ADCY2: variants seen among roughly 807,000 people sequenced by gnomAD.
ADCY2 encodes the protein adenylate cyclase type 2.
A neutral mutation model predicts 125.2 loss-of-function variants in ADCY2; 31 were observed. The ratio of observed to expected loss-of-function variants is 0.25; its 90% CI spans 0.19 to 0.33. The LOEUF is 0.33. Among genes scored for constraint, ADCY2 ranks in the 10% least tolerant of loss-of-function variants. The probability of loss-of-function intolerance (pLI) is 1.00; values close to 1 mark genes in which losing one functional copy is unlikely to be tolerated. For missense variants in ADCY2, 904 were observed against 1,418.2 expected (o/e 0.64, Z 5.82); for synonymous variants, 512 against 548.4 (o/e 0.93, Z 0.93).
chr5:7,451,221 A>C (rs553432907), intron 2 of ADCY2, among the ~76,000 whole-genome samples: 1 of 152,346 alleles, frequency 6.6e-6, no homozygotes, highest in South Asian at 2.1e-4. Flanking sequence ...TAAATTGAAA[A>C]TCTTCTGGAA....
At chr5:7,436,550 G>T (rs1435739836) in intron 2 of ADCY2, among the ~76,000 whole-genome samples, 1 of 152,160 alleles carries the variant, frequency 6.6e-6, no homozygotes, top group East Asian at 1.9e-4. Context: ...TGTAGAACAG[G>T]TCCATGCCAA....
In ADCY2 at chr5:7,709,365, A is replaced by T. The variant is rs1741367038; in HGVS notation, c.1556A>T (p.Glu519Val). 2 of 1,607,298 alleles carry T rather than the reference A, an allele frequency of 1.2e-6. No homozygotes were observed. The highest frequency in any genetic ancestry group is 8.5e-7 in the Non-Finnish European group (1 of 1,177,006). ...HLHHRDSMTT[E>V]NGKISTTDVP... ...CATCACAGGGACAGCATGACCACAGAGAACGGCAAGATCAGCACCACGGTA... is the reference window on the plus strand; with the variant it reads ...CATCACAGGGACAGCATGACCACAGTGAACGGCAAGATCAGCACCACGGTA... Residue 519 changes from glutamate to valine, a missense_variant, in exon 10 of 25, where the codon GAG becomes GTG. By Grantham distance (121) the Glu-to-Val change is moderately radical. Around this residue, in one of 7 missense-constraint regions of ADCY2, gnomAD observed 144 missense variants for 227.7 expected, o/e 0.63. Coordinates refer to ENST00000338316, the MANE Select transcript of ADCY2 (RefSeq NM_020546.3). This position sits in a 1 kb window ranked among gnomAD's most constrained non-coding sequence, Gnocchi z 4.4.
At chr5:7,778,271 G>A (rs1326062476) in intron 18 of ADCY2, among the ~76,000 whole-genome samples, 1 of 152,086 alleles carries the variant, frequency 6.6e-6, no homozygotes, top group East Asian at 1.9e-4. Flanking sequence ...TTTTCTTACA[G>A]AACTGAAAAG....
Position 7,695,863 on chromosome 5 carries a change from G to A in ADCY2, c.981G>A (p.Lys327=). ...ELFGKFDQIA[K]ENECMRIKIL... ...TTGGAAAGTTTGATCAAATTGCAAA[G>A]GTGAGTATTATGGATTCTTTTCTTC... is the stretch of plus-strand genomic sequence containing the variant. Residue 327 remains lysine (K), a splice_region_variant and synonymous_variant, in exon 6 of 25, where the codon AAG becomes AAA. Transcript: ENST00000338316. 6.3e-7 allele frequency: 1 copy of A among 1,599,836 alleles called. No individual in the cohort carries two copies. The highest frequency in any genetic ancestry group is 8.5e-7 in the Non-Finnish European group (1 of 1,169,762).
intron 2 of ADCY2, among the ~76,000 whole-genome samples, chr5:7,509,117 G>A (rs1006152253): frequency 2.0e-5 from 3 of 152,218 alleles, no homozygotes; most frequent in African/African-American, 7.2e-5. Context: ...GACAAGTTTG[G>A]AAATAGGGCT....
chr5:7,693,719 G>A (rs533884695), intron 5 of ADCY2, among the ~76,000 whole-genome samples: 10 of 152,184 alleles, frequency 6.6e-5, no homozygotes, highest in Admixed American at 2.6e-4. Flanking sequence ...CACCACGCCC[G>A]GCCATCTGCT....
At chr5:7,573,588 A>ATTTTTTT (rs1561102712) in intron 3 of ADCY2, among the ~76,000 whole-genome samples, 1 of 94,622 alleles carries the variant, frequency 1.1e-5, no homozygotes, top group Non-Finnish European at 2.2e-5. Flanking sequence ...TACAGGGTTG[A>ATTTTTTT]TTTTCTTTTT....
At chr5:7,666,030 G>C (rs568482731) in intron 4 of ADCY2, among the ~76,000 whole-genome samples, 3 of 150,756 alleles carry the variant, frequency 2.0e-5, no homozygotes, top group South Asian at 2.1e-4. Context: ...AGTAGAGACA[G>C]GGTTTCACCA....
Position 7,396,535 on chromosome 5 carries a change from C to G in ADCY2, c.210+29C>G. ...AGTGGCCTCCCCGCGGGTCCAGCGCCGCGCCTTCCCCGGCCCTGAGAGGAG... is the reference window on the plus strand; with the variant it reads ...AGTGGCCTCCCCGCGGGTCCAGCGCGGCGCCTTCCCCGGCCCTGAGAGGAG... On this transcript the variant is annotated intron_variant, in intron 1 of 24. Transcript: ENST00000338316. This position sits in a 1 kb window ranked among gnomAD's most constrained non-coding sequence, Gnocchi z 5.7. 2.0e-6 allele frequency: 3 copies of G among 1,538,390 alleles called. No individual in the cohort carries two copies. The highest frequency in any genetic ancestry group is 2.6e-6 in the Non-Finnish European group (3 of 1,144,876).
At chr5:7,779,503 A>G (rs898056860) in intron 18 of ADCY2, among the ~76,000 whole-genome samples, 7 of 152,128 alleles carry the variant, frequency 4.6e-5, no homozygotes, top group Admixed American at 4.6e-4. Flanking sequence ...TTCTTCACAA[A>G]AGGAAACCAC....
At chr5:7,792,580 C>T (rs984802506) in intron 20 of ADCY2, among the ~76,000 whole-genome samples, 8 of 152,130 alleles carry the variant, frequency 5.3e-5, no homozygotes, top group Non-Finnish European at 1.2e-4. Flanking sequence ...CATGTCCTGA[C>T]AGCCTCCCTG....
chr5:7,491,361 C>T (rs1743159427), intron 2 of ADCY2, among the ~76,000 whole-genome samples: 1 of 152,002 alleles, frequency 6.6e-6, no homozygotes. Context: ...AAGCCATTCT[C>T]CCTGCCTCAG....
chr5:7,487,517 GC>G (rs1166818847), intron 2 of ADCY2, among the ~76,000 whole-genome samples: 1 of 152,132 alleles, frequency 6.6e-6, no homozygotes, highest in Admixed American at 6.5e-5. Context: ...TCTCTCCTTT[GC>G]CACCCAGAGC....
intron 22 of ADCY2, among the ~76,000 whole-genome samples, chr5:7,810,828 G>A (rs954848790): frequency 6.6e-6 from 1 of 152,106 alleles, no homozygotes; most frequent in Non-Finnish European, 1.5e-5. Context: ...GCACTCCAGA[G>A]CCTCACCTGT....
At position 7,763,313 on chromosome 5, in the gene ADCY2, G is replaced by T. The variant is rs944526851; in HGVS notation, c.2095-3374G>T. Among the ~76,000 whole-genome samples, 15 of 151,562 alleles carry T rather than the reference G, an allele frequency of 9.9e-5. 1 individual carries two copies. The highest frequency in any genetic ancestry group is 3.4e-4 in the African/African-American group (14 of 41,238). ...TCACCATGTTAGCCAAGATGGTCTC[G>T]ATCTCCTGACCTCGTGATCCACCCA... is the stretch of plus-strand genomic sequence containing the variant. On this transcript the variant is annotated intron_variant, in intron 16 of 24. Transcript: ENST00000338316.
chr5:7,557,198 T>TAGATATATATATATATATAG (rs1430642315), intron 3 of ADCY2, among the ~76,000 whole-genome samples: 7 of 147,462 alleles, frequency 4.7e-5, no homozygotes, highest in Non-Finnish European at 6.0e-5. Flanking sequence ...ATGTGATATA[T>TAGATATATATATATATATAG]ATAACTCAAG....
intron 4 of ADCY2, among the ~76,000 whole-genome samples, chr5:7,653,633 T>C (rs998576840): frequency 8.5e-5 from 13 of 152,092 alleles, no homozygotes; most frequent in Non-Finnish European, 1.5e-4. Flanking sequence ...GAAGAATTTG[T>C]TCTTTTCCTG....
At chr5:7,704,406 C>CT (rs1741193364) in intron 7 of ADCY2, among the ~76,000 whole-genome samples, 1 of 152,126 alleles carries the variant, frequency 6.6e-6, no homozygotes, top group East Asian at 1.9e-4. Flanking sequence ...AGAAACATTT[C>CT]TTTTTTCTGC....
intron 3 of ADCY2, among the ~76,000 whole-genome samples, chr5:7,553,517 G>T (rs948765521): frequency 6.6e-6 from 1 of 152,164 alleles, no homozygotes; most frequent in Non-Finnish European, 1.5e-5. Flanking sequence ...GGAAAAAGTG[G>T]GCAGACTACA....
Sources: gnomAD v4.1 joint callset for allele counts (sites outside exome capture counted in the v4.1 genomes callset) on GRCh38, gnomAD v4.1.1 for gene constraint, gnomAD v4.1.1 regional missense constraint, Gnocchi (gnomAD v3.1) non-coding constraint, MANE v1.5 for transcripts, NCBI Gene and HGNC (gene_info 2026-07-23, HGNC 2026-07-21) for gene names.